Variants in NARS2 observed in about 807,000 individuals in gnomAD.
The protein encoded by NARS2 is asparaginyl-tRNA synthetase 2, mitochondrial.
A neutral mutation model predicts 62.9 loss-of-function variants in NARS2; 60 were observed. That is an observed-to-expected ratio of 0.95 (90% CI 0.77 to 1.18). The LOEUF (loss-of-function observed/expected upper bound fraction) is 1.18, where lower values mean the gene tolerates loss of function less well. NARS2 is among the 50% of genes most tolerant of loss of function. The pLI is 0.00. For missense variants in NARS2, 619 were observed against 576.4 expected (o/e 1.07, Z -0.76); for synonymous variants, 196 against 200.0 (o/e 0.98, Z 0.17).
intron 5 of NARS2, among the ~76,000 whole-genome samples, chr11:78,557,741 T>C (rs1053071472): frequency 2.0e-5 from 3 of 150,690 alleles, no homozygotes; most frequent in African/African-American, 4.9e-5. Context: ...TTCACACTTA[T>C]CTGATAATTT....
chr11:78,539,647 A>T (rs1396552321), intron 5 of NARS2, among the ~76,000 whole-genome samples: 1 of 152,210 alleles, frequency 6.6e-6, no homozygotes, highest in Non-Finnish European at 1.5e-5. Flanking sequence ...ATGGTACATA[A>T]AGCCTTGGAA....
intron 11 of NARS2, among the ~76,000 whole-genome samples, chr11:78,457,797 AACACACACACACACACAC>A (rs10556136): frequency 6.7e-6 from 1 of 148,434 alleles, no homozygotes; most frequent in African/African-American, 2.5e-5. Flanking sequence ...ATTATGTAAC[AACACACACACACACACAC>A]ACACACACAC....
chr11:78,495,301 T>C (rs923047266), intron 6 of NARS2, among the ~76,000 whole-genome samples: 1 of 152,158 alleles, frequency 6.6e-6, no homozygotes, highest in Non-Finnish European at 1.5e-5. Flanking sequence ...GCATAGGCTC[T>C]TCCCTACCCT....
At chr11:78,510,040 A>AAGTAATGC (rs1860661252) in intron 6 of NARS2, among the ~76,000 whole-genome samples, 1 of 152,182 alleles carries the variant, frequency 6.6e-6, no homozygotes, top group African/African-American at 2.4e-5. Context: ...GAACCAACTA[A>AAGTAATGC]AGAAAAACAC....
intron 13 of NARS2, 81 bp downstream of exon 13, chr11:78,441,009 CT>C: frequency 7.9e-7 from 1 of 1,267,116 alleles, no homozygotes; most frequent in Non-Finnish European, 1.1e-6. Context: ...TTCATGGGGT[CT>C]TGGGGATACA....
At chr11:78,457,523 C>G (rs992879726) in intron 11 of NARS2, among the ~76,000 whole-genome samples, 1 of 152,198 alleles carries the variant, frequency 6.6e-6, no homozygotes, top group African/African-American at 2.4e-5. Context: ...GAAATGTACA[C>G]TGCTAATGTA....
At chr11:78,553,870 G>C (rs751016851) in intron 5 of NARS2, among the ~76,000 whole-genome samples, 1 of 152,044 alleles carries the variant, frequency 6.6e-6, no homozygotes, top group African/African-American at 2.4e-5. Context: ...TACAGTTTTG[G>C]GTTTTACATT....
At chr11:78,458,839 C>G (rs7935292) in intron 11 of NARS2, among the ~76,000 whole-genome samples, 41,260 of 151,976 alleles carry the variant, frequency 0.27, 6,295 homozygotes, top group East Asian at 0.42. Flanking sequence ...TGGGAGATAA[C>G]TGAATCATGG....
At chr11:78,512,071 T>C (rs923430603) in intron 6 of NARS2, among the ~76,000 whole-genome samples, 4 of 152,202 alleles carry the variant, frequency 2.6e-5, no homozygotes, top group Admixed American at 6.5e-5. Context: ...TGACACCTCA[T>C]TGCCAACATA....
At chr11:78,555,589 A>C (rs1414338035) in intron 5 of NARS2, among the ~76,000 whole-genome samples, 1 of 152,090 alleles carries the variant, frequency 6.6e-6, no homozygotes, top group Non-Finnish European at 1.5e-5. Context: ...CTTCCTAATT[A>C]GTCTAGCTGG....
chr11:78,442,623 CTT>C (rs1195764431), intron 12 of NARS2, among the ~76,000 whole-genome samples: 3 of 75,478 alleles, frequency 4.0e-5, no homozygotes, highest in African/African-American at 8.1e-5. Flanking sequence ...TAAAGTCTTT[CTT>C]TTTTTTTTTT....
chr11:78,522,529 T>A (rs1415361766), intron 6 of NARS2, among the ~76,000 whole-genome samples: 1 of 152,204 alleles, frequency 6.6e-6, no homozygotes, highest in African/African-American at 2.4e-5. Flanking sequence ...TCATTTATGA[T>A]ATTTGTACAC....
intron 5 of NARS2, among the ~76,000 whole-genome samples, chr11:78,544,175 T>G (rs1268996591): frequency 6.6e-6 from 1 of 152,172 alleles, no homozygotes; most frequent in Admixed American, 6.5e-5. Context: ...CTCTCCCTGA[T>G]TTAATCTCCA....
At chr11:78,481,864 T>A (rs1859369920) in intron 7 of NARS2, among the ~76,000 whole-genome samples, 1 of 152,174 alleles carries the variant, frequency 6.6e-6, no homozygotes, top group Non-Finnish European at 1.5e-5. Context: ...GACAGCACAC[T>A]TTTTTCTAGT....
intron 1 of NARS2, 23 bp downstream of exon 1, chr11:78,574,325 C>A (rs769356751): frequency 6.2e-7 from 1 of 1,614,166 alleles, no homozygotes; most frequent in Admixed American, 1.7e-5. Context: ...AAGAAAAAAC[C>A]CACTCCCTTC....
intron 6 of NARS2, among the ~76,000 whole-genome samples, chr11:78,518,562 G>C (rs1030616165): frequency 6.6e-6 from 1 of 151,540 alleles, no homozygotes; most frequent in Non-Finnish European, 1.5e-5. Flanking sequence ...CTTTCACCCA[G>C]GCCAGAGTGC....
rs578036671 is a variant in NARS2, at chr11:78,513,066, A to G, written c.689+15776T>C. Reference sequence around the variant, plus strand: ...GGAGTTTGAGGCCACCCTGGCCAACATGGTGAAACACTGCCTCTGCCAAAA... The same window carrying G: ...GGAGTTTGAGGCCACCCTGGCCAACGTGGTGAAACACTGCCTCTGCCAAAA... On this transcript the variant is annotated intron_variant, in intron 6 of 13. Coordinates refer to ENST00000281038, the MANE Select transcript of NARS2 (RefSeq NM_024678.6). Among the ~76,000 whole-genome samples the G allele has an allele frequency of 1.4e-4, 21 of 152,224 alleles. No individual in the cohort carries two copies. In the South Asian group the frequency reaches 3.9e-3, roughly 29 times the overall value.
intron 6 of NARS2, among the ~76,000 whole-genome samples, chr11:78,513,463 T>C (rs1026145516): frequency 2.0e-5 from 3 of 151,994 alleles, no homozygotes; most frequent in African/African-American, 7.3e-5. Flanking sequence ...ATTGTTTTGA[T>C]TTTCAGATCC....
At chr11:78,483,974 A>G (rs1859465106) in intron 7 of NARS2, among the ~76,000 whole-genome samples, 1 of 152,208 alleles carries the variant, frequency 6.6e-6, no homozygotes, top group Non-Finnish European at 1.5e-5. Flanking sequence ...ACATCACACT[A>G]CCTGATTTCA....
Sources: allele counts gnomAD v4.1 joint callset (sites outside exome capture counted in the v4.1 genomes callset), GRCh38; gene constraint gnomAD v4.1.1; transcripts MANE v1.5; gene names NCBI Gene and HGNC (gene_info 2026-07-23, HGNC 2026-07-21).